KIF26B: variants seen among roughly 807,000 people sequenced by gnomAD.
KIF26B encodes kinesin-like protein KIF26B.
In KIF26B, 63 loss-of-function variants were observed where a neutral mutation model predicts 151.2. The ratio of observed to expected loss-of-function variants is 0.42; its 90% CI spans 0.34 to 0.51. The LOEUF (loss-of-function observed/expected upper bound fraction) is 0.51, where lower values mean the gene tolerates loss of function less well. Among genes scored for constraint, KIF26B ranks in the 20% least tolerant of loss-of-function variants. The pLI, the probability that KIF26B is intolerant of heterozygous loss-of-function variation, is 0.07. For missense variants in KIF26B, 2,813 were observed against 2,913.6 expected (o/e 0.97, Z 0.79); for synonymous variants, 1,357 against 1,262.1 (o/e 1.08, Z -1.59).
At chr1:245,624,118 C>T (rs1212414566) in intron 9 of KIF26B, among the ~76,000 whole-genome samples, 2 of 152,120 alleles carry the variant, frequency 1.3e-5, no homozygotes, top group African/African-American at 4.8e-5. Flanking sequence ...TGTCTTCCTT[C>T]ACTGTGAGTC....
intron 5 of KIF26B, among the ~76,000 whole-genome samples, chr1:245,547,115 A>G (rs975141238): frequency 2.0e-5 from 3 of 152,256 alleles, no homozygotes; most frequent in Non-Finnish European, 4.4e-5. Context: ...TGGCGCTGCC[A>G]GAAGGGCCAT....
chr1:245,164,100 A>G (rs1415640962), intron 2 of KIF26B, among the ~76,000 whole-genome samples: 2 of 152,154 alleles, frequency 1.3e-5, no homozygotes, highest in African/African-American at 4.8e-5. Flanking sequence ...AGATCTGTCT[A>G]TATTTTTTAA....
At chr1:245,471,610 A>G (rs1350679081) in intron 4 of KIF26B, among the ~76,000 whole-genome samples, 1 of 152,144 alleles carries the variant, frequency 6.6e-6, no homozygotes, top group Admixed American at 6.5e-5. Flanking sequence ...ATAAAAACGT[A>G]CTCATGAGTG....
At chr1:245,639,532 T>G (rs2043866423) in intron 9 of KIF26B, among the ~76,000 whole-genome samples, 1 of 151,940 alleles carries the variant, frequency 6.6e-6, no homozygotes, top group Admixed American at 6.6e-5. Flanking sequence ...GTTTTTCCTT[T>G]TCTAGTTCAT....
At chr1:245,696,418 G>T (rs2044694058) in intron 12 of KIF26B, among the ~76,000 whole-genome samples, 1 of 152,200 alleles carries the variant, frequency 6.6e-6, no homozygotes, top group Non-Finnish European at 1.5e-5. Flanking sequence ...CTGACAGCTT[G>T]CCTGCGACTC....
chr1:245,496,547 C>A (rs1327801951), intron 4 of KIF26B, among the ~76,000 whole-genome samples: 1 of 151,740 alleles, frequency 6.6e-6, no homozygotes, highest in Non-Finnish European at 1.5e-5. Flanking sequence ...ATCTGTAGAG[C>A]AACTAGTAAA....
chr1:245,242,141 A>C (rs1228696777), intron 2 of KIF26B, among the ~76,000 whole-genome samples: 1 of 152,188 alleles, frequency 6.6e-6, no homozygotes, highest in Non-Finnish European at 1.5e-5. Flanking sequence ...ACATAATCCC[A>C]GTGCTTTGGG....
chr1:245,655,011 T>C (rs1009709076), intron 10 of KIF26B, among the ~76,000 whole-genome samples: 2 of 152,252 alleles, frequency 1.3e-5, no homozygotes, highest in Non-Finnish European at 2.9e-5. Context: ...GCCTCTCAGC[T>C]GGAATTTGTG....
chr1:245,238,843 CAA>C lies in KIF26B; in HGVS notation c.465+82161_465+82162del, dbSNP rs368455099. On this transcript the variant is annotated intron_variant, in intron 2 of 14. Transcript: ENST00000407071. ...TGCCACTGCACTCCAGCCTGGGTGA[CAA>C]GAGCAAAACTGTCTCAAAAAACAAA... 5.1e-3 allele frequency among the ~76,000 whole-genome samples: 768 copies of C among 152,018 alleles called. 7 individuals carry two copies. The highest frequency in any genetic ancestry group is 0.017 in the African/African-American group (709 of 41,348).
At chr1:245,487,254 A>G (rs995067342) in intron 4 of KIF26B, among the ~76,000 whole-genome samples, 3 of 152,202 alleles carry the variant, frequency 2.0e-5, no homozygotes, top group African/African-American at 4.8e-5. Flanking sequence ...ATTTAAACAG[A>G]TTGGTGGCCC....
intron 3 of KIF26B, among the ~76,000 whole-genome samples, chr1:245,388,567 G>T (rs1408638272): frequency 6.6e-6 from 1 of 152,178 alleles, no homozygotes; most frequent in Non-Finnish European, 1.5e-5. Context: ...GAGTGTGACT[G>T]AGTAGGTCCC....
Position 245,358,867 on chromosome 1 carries a change from G to C in KIF26B, c.466-7967G>C, listed in dbSNP as rs79767685. ...GTTGAACATGAACTTTAAAGTTAAG[G>C]GAAACATTTTAAGTACGTAGTAGGA... On this transcript the variant is annotated intron_variant, in intron 2 of 14. Coordinates refer to ENST00000407071, the MANE Select transcript of KIF26B (RefSeq NM_018012.4). The surrounding 1 kb of genome is among the most constrained non-coding windows in gnomAD (Gnocchi z 4.1). 0.015 allele frequency among the ~76,000 whole-genome samples: 2,242 copies of C among 152,222 alleles called. 37 individuals are homozygous for C. Among genetic ancestry groups the C allele is most frequent in the African/African-American group, 0.045 (1,880 of 41,532 alleles).
chr1:245,402,863 CACATCAAAAA>C (rs1334515219), intron 3 of KIF26B, among the ~76,000 whole-genome samples: 2 of 152,160 alleles, frequency 1.3e-5, no homozygotes, highest in African/African-American at 4.8e-5. Context: ...GAAGTATTTA[CACATCAAAAA>C]ACTCATGGCT....
At chr1:245,436,152 G>T (rs185988956) in intron 4 of KIF26B, among the ~76,000 whole-genome samples, 21 of 151,816 alleles carry the variant, frequency 1.4e-4, no homozygotes, top group African/African-American at 4.8e-4. Flanking sequence ...ACTCCAGCCT[G>T]GGCGACAGAG....
chr1:245,579,661 A>G lies in KIF26B; in HGVS notation c.1351-22916A>G, dbSNP rs1041458507. On this transcript the variant is annotated intron_variant, in intron 5 of 14. Transcript: ENST00000407071. Reference sequence around the variant, plus strand: ...CCCATCTCTACTAAAAATACAAAAAACAAACAAACAAACAAACAAACAAAC... The same window carrying G: ...CCCATCTCTACTAAAAATACAAAAAGCAAACAAACAAACAAACAAACAAAC... 3.0e-4 allele frequency among the ~76,000 whole-genome samples: 10 copies of G among 33,710 alleles called. No individual in the cohort carries two copies. The African/African-American group carries it at 5.1e-3, about 17-fold the overall frequency. 22.1% of individuals were successfully genotyped at this position (33,710 alleles called of 152,430 possible). A position where few individuals can be genotyped will look rare whatever the true frequency, so the allele number is the denominator to read the frequency against.
chr1:245,476,930 T>C (rs1303748609), intron 4 of KIF26B, among the ~76,000 whole-genome samples: 4 of 151,770 alleles, frequency 2.6e-5, no homozygotes, highest in East Asian at 1.9e-4. Context: ...TGTGTTGATG[T>C]GTCTGAGAAA....
In KIF26B at chr1:245,606,928, T is replaced by G. The variant is rs2043461214; in HGVS notation, c.1558-723T>G. Among the ~76,000 whole-genome samples the G allele has an allele frequency of 2.0e-5, 3 of 151,866 alleles. No homozygotes were observed. The highest frequency in any genetic ancestry group is 7.3e-5 in the African/African-American group (3 of 41,336). ...AAAAATGCAAAAAATTAGCCAGGCATGGTGGCACATGCCTGTAATCCCAGC... is the reference window on the plus strand; with the variant it reads ...AAAAATGCAAAAAATTAGCCAGGCAGGGTGGCACATGCCTGTAATCCCAGC... On this transcript the variant is annotated intron_variant, in intron 6 of 14. Coordinates refer to ENST00000407071, the MANE Select transcript of KIF26B (RefSeq NM_018012.4). This position sits in a 1 kb window ranked among gnomAD's most constrained non-coding sequence, Gnocchi z 4.6.
chr1:245,532,233 CT>C (rs1661380375), intron 4 of KIF26B, among the ~76,000 whole-genome samples: 1 of 98,474 alleles, frequency 1.0e-5, no homozygotes. Context: ...CTTTTCTTTT[CT>C]TTTCTTTTCT....
At chr1:245,285,116 G>GGGTCTGCTC (rs1361465905) in intron 2 of KIF26B, among the ~76,000 whole-genome samples, 2 of 152,348 alleles carry the variant, frequency 1.3e-5, no homozygotes, top group East Asian at 3.9e-4. Context: ...AGGGTCTGCT[G>GGGTCTGCTC]GTCCAGGCTG....
Sources: allele counts gnomAD v4.1 joint callset (sites outside exome capture counted in the v4.1 genomes callset), GRCh38; gene constraint gnomAD v4.1.1; non-coding constraint Gnocchi (gnomAD v3.1); transcripts MANE v1.5; gene names NCBI Gene and HGNC (gene_info 2026-07-23, HGNC 2026-07-21).